The following ARPC3 variants were observed in gnomAD, a reference collection of about 807,000 sequenced individuals.
The protein encoded by ARPC3 is actin-related protein 2/3 complex subunit 3.
In ARPC3, 12 loss-of-function variants were observed where a neutral mutation model predicts 27.6. The ratio of observed to expected loss-of-function variants is 0.43; its 90% CI spans 0.28 to 0.70. The LOEUF is 0.70. Ranked by LOEUF, ARPC3 falls within the 30% of genes least tolerant of loss-of-function variation. The pLI, the probability that ARPC3 is intolerant of heterozygous loss-of-function variation, is 0.17. For missense variants in ARPC3, 153 were observed against 207.7 expected (o/e 0.74, Z 1.62); for synonymous variants, 53 against 67.2 (o/e 0.79, Z 1.03).
chr12:110,435,635 C>A (rs1233492668), intron 6 of ARPC3, among the ~76,000 whole-genome samples: 1 of 148,816 alleles, frequency 6.7e-6, no homozygotes, highest in Non-Finnish European at 1.5e-5. Flanking sequence ...TGGCCATAAA[C>A]CCTTTTTAGA....
chr12:110,438,535 G>T (rs1040569248), intron 3 of ARPC3, among the ~76,000 whole-genome samples: 10 of 150,296 alleles, frequency 6.7e-5, no homozygotes, highest in African/African-American at 2.4e-4. Context: ...GGAGTCGAGG[G>T]TTGCACTGAG....
chr12:110,444,152 G>A (rs1447768018), intron 2 of ARPC3, among the ~76,000 whole-genome samples: 1 of 151,922 alleles, frequency 6.6e-6, no homozygotes, highest in Non-Finnish European at 1.5e-5. Context: ...TGTATTTTTA[G>A]TTGAGATGGG....
chr12:110,436,284 T>C (rs1429901452), intron 5 of ARPC3, 80 bp from the exon 6 acceptor site: 4 of 1,198,342 alleles, frequency 3.3e-6, no homozygotes, highest in African/African-American at 3.0e-5. Flanking sequence ...ATGCTCACTG[T>C]GGTAATACAT....
intron 2 of ARPC3, among the ~76,000 whole-genome samples, chr12:110,443,303 A>G (rs1435481389): frequency 6.6e-6 from 1 of 151,658 alleles, no homozygotes; most frequent in Admixed American, 6.6e-5. Context: ...TATTTTTAGT[A>G]GAGATGGGGT....
At chr12:110,446,051 C>T (rs1172605723) in intron 1 of ARPC3, among the ~76,000 whole-genome samples, 2 of 150,054 alleles carry the variant, frequency 1.3e-5, no homozygotes, top group Non-Finnish European at 3.0e-5. Context: ...TGCAGTGAGC[C>T]GAGATCGTGC....
intron 2 of ARPC3, among the ~76,000 whole-genome samples, chr12:110,444,089 T>C (rs1249546644): frequency 1.3e-5 from 2 of 150,850 alleles, no homozygotes; most frequent in African/African-American, 4.9e-5. Context: ...CCTGCCTCAG[T>C]CTCCCAAGTA....
At chr12:110,447,980 C>T (rs974359166) in intron 1 of ARPC3, among the ~76,000 whole-genome samples, 22 of 148,832 alleles carry the variant, frequency 1.5e-4, no homozygotes, top group Admixed American at 6.8e-5. Flanking sequence ...ACTCCTGGCT[C>T]CAGGTGATCC....
chr12:110,439,979 C>T (rs1164495212), intron 3 of ARPC3, among the ~76,000 whole-genome samples: 2 of 152,148 alleles, frequency 1.3e-5, no homozygotes, highest in African/African-American at 4.8e-5. Flanking sequence ...GTCTTTGTCA[C>T]AACTACTCAA....
At position 110,447,513 on chromosome 12, in the gene ARPC3, G is replaced by A. The variant is rs185150095; in HGVS notation, c.7-1962C>T. On this transcript the variant is annotated intron_variant, in intron 1 of 6. Transcript: ENST00000228825. ...GGATGGGATGGGCGGGGTGGCTCACGCCTGTAATCCAAACACTTTGGGAGG... is the reference window on the plus strand; with the variant it reads ...GGATGGGATGGGCGGGGTGGCTCACACCTGTAATCCAAACACTTTGGGAGG... 7.9e-5 allele frequency among the ~76,000 whole-genome samples: 12 copies of A among 152,262 alleles called. No individual in the cohort carries two copies. In the South Asian group the frequency reaches 1.2e-3, roughly 16 times the overall value.
chr12:110,440,639 C>A, intron 2 of ARPC3: 1 of 385,296 alleles, frequency 2.6e-6, no homozygotes. Context: ...CTCTGCCTCC[C>A]GGGTTCACGC....
chr12:110,450,186 C>G lies in ARPC3; in HGVS notation c.6+69G>C. 2.5e-6 allele frequency: 4 copies of G among 1,605,062 alleles called. No homozygotes were observed. In the South Asian group the frequency reaches 4.4e-5, roughly 18 times the overall value. The stretch of plus-strand genomic sequence containing the variant: ...GCCTTCCGCCGCCCGCTTCTCTCGG[C>G]ACACACACGGTTTCTCTCTGCTCTT... On this transcript the variant is annotated intron_variant, in intron 1 of 6. Transcript: ENST00000228825.
chr12:110,439,658 C>T (rs2062425260), intron 3 of ARPC3, among the ~76,000 whole-genome samples: 2 of 152,122 alleles, frequency 1.3e-5, no homozygotes, highest in Non-Finnish European at 2.9e-5. Context: ...CATTGTGAAA[C>T]CCCGTCTCTA....
intron 2 of ARPC3, chr12:110,442,653 G>A (rs1357361002): frequency 1.3e-5 from 2 of 151,352 alleles, no homozygotes; most frequent in African/African-American, 4.8e-5. Flanking sequence ...AAAATAAAAA[G>A]TATTCAATAT....
Position 110,450,235 on chromosome 12 carries a change from A to C in ARPC3, c.6+20T>G. On this transcript the variant is annotated intron_variant, in intron 1 of 6. Coordinates refer to ENST00000228825, the MANE Select transcript of ARPC3 (RefSeq NM_001278556.2). ...TTCGCAATCCCCGCTGTCTCCCCAC[A>C]CCGTGGATCGAACCCTCACCGGCAT... 1 of 1,613,804 alleles carries C rather than the reference A, an allele frequency of 6.2e-7. No homozygotes were observed. Among genetic ancestry groups the C allele is most frequent in the Non-Finnish European group, 8.5e-7 (1 of 1,179,938 alleles).
intron 2 of ARPC3, among the ~76,000 whole-genome samples, chr12:110,444,460 T>A (rs192287203): frequency 3.2e-4 from 49 of 152,140 alleles, no homozygotes; most frequent in Admixed American, 1.9e-3. Flanking sequence ...AATTTTTGTA[T>A]TTTTAGTAGA....
At chr12:110,445,665 G>T in intron 1 of ARPC3, 114 bp from the exon 2 acceptor site, 1 of 789,594 alleles carries the variant, frequency 1.3e-6, no homozygotes. Flanking sequence ...TTAATTAGGG[G>T]AGGGAGAAGG....
chr12:110,434,971 C>T lies in ARPC3; in HGVS notation c.*184G>A. On this transcript the variant is annotated 3_prime_UTR_variant, in exon 7 of 7. Coordinates refer to ENST00000228825, the MANE Select transcript of ARPC3 (RefSeq NM_001278556.2). ...CCAGCTTTAATGCTGCAGAAAATTT[C>T]AAATCACCCTTGATAACCCACTTTC... The T allele has an allele frequency of 1.4e-6, 1 of 713,338 alleles. No homozygotes were observed. Among genetic ancestry groups the T allele is most frequent in the Non-Finnish European group, 2.6e-6 (1 of 383,938 alleles). The allele number at this position is 713,338 out of a possible 1,614,324, so 44.2% of individuals were successfully genotyped here. A position where few individuals can be genotyped will look rare whatever the true frequency, so the allele number is the denominator to read the frequency against.
rs1234520027 is a variant in ARPC3 at position 110,448,783 on chromosome 12, G to A, written c.6+1472C>T. On this transcript the variant is annotated intron_variant, in intron 1 of 6. Transcript: ENST00000228825. ...CCATCTAGCTTCTTTTTTTCCGGGG[G>A]GGGGGGGGGTGGTGGTACAGAGTCT... Among the ~76,000 whole-genome samples the A allele has an allele frequency of 2.7e-5, 3 of 109,468 alleles. 1 individual carries two copies. The highest frequency in any genetic ancestry group is 5.9e-5 in the Non-Finnish European group (3 of 50,500). The allele number at this position is 109,468 out of a possible 152,430, so 71.8% of individuals were successfully genotyped here.
intron 3 of ARPC3, among the ~76,000 whole-genome samples, chr12:110,439,291 AT>A (rs1210466080): frequency 2.0e-5 from 3 of 151,558 alleles, no homozygotes; most frequent in African/African-American, 7.3e-5. Context: ...TAATTTTTCT[AT>A]TTTTTGTAGA....
Sources: gnomAD v4.1 joint callset for allele counts (sites outside exome capture counted in the v4.1 genomes callset) on GRCh38, gnomAD v4.1.1 for gene constraint, MANE v1.5 for transcripts, NCBI Gene and HGNC (gene_info 2026-07-23, HGNC 2026-07-21) for gene names.